Variants in ADGRV1 observed in about 807,000 individuals in gnomAD.
ADGRV1 encodes adhesion G protein-coupled receptor V1.
Under a neutral mutation model 596.2 loss-of-function variants are expected in ADGRV1, and 359 were observed. The observed-to-expected ratio is 0.60, with a 90% confidence interval of 0.55 to 0.66. ADGRV1 has a LOEUF of 0.66. ADGRV1 is among the 30% of genes least tolerant of loss of function. The pLI is 0.00. For synonymous variants in ADGRV1, 2,681 were observed against 2,679.2 expected (o/e 1.00, Z -0.02); for missense variants, 7,274 against 7,575.6 (o/e 0.96, Z 1.48).
At chr5:90,652,861 A>G (rs995700436) in intron 19 of ADGRV1, among the ~76,000 whole-genome samples, 2 of 152,194 alleles carry the variant, frequency 1.3e-5, no homozygotes, top group African/African-American at 2.4e-5. Flanking sequence ...CGTTAGTGGA[A>G]GGTAGGAGGT....
chr5:90,748,152 G>A (rs1385494925), intron 52 of ADGRV1, among the ~76,000 whole-genome samples: 1 of 152,196 alleles, frequency 6.6e-6, no homozygotes, highest in Non-Finnish European at 1.5e-5. Flanking sequence ...GGGATAAGAT[G>A]AGGAGTTTTG....
intron 76 of ADGRV1, among the ~76,000 whole-genome samples, chr5:90,826,652 C>T (rs946952018): frequency 5.9e-5 from 9 of 151,654 alleles, no homozygotes; most frequent in South Asian, 2.1e-4. Context: ...AGATGGAGCC[C>T]GAGGGAATGC....
chr5:90,719,951 T>G, intron 43 of ADGRV1, 97 bp from the exon 44 acceptor site: 1 of 877,434 alleles, frequency 1.1e-6, no homozygotes, highest in Non-Finnish European at 1.9e-6. Flanking sequence ...TTTCAAAACA[T>G]GCTATTTTGT....
At chr5:90,993,152 C>T (rs1278605974) in intron 85 of ADGRV1, among the ~76,000 whole-genome samples, 1 of 128,652 alleles carries the variant, frequency 7.8e-6, no homozygotes, top group African/African-American at 2.9e-5. Context: ...CCTTGGTTTT[C>T]ACTTTTTTTT....
chr5:90,581,067 G>A (rs768434641), intron 1 of ADGRV1, among the ~76,000 whole-genome samples: 1 of 152,050 alleles, frequency 6.6e-6, no homozygotes, highest in Admixed American at 6.6e-5. Flanking sequence ...TTGTGCATGC[G>A]TCACGAAGTT....
At chr5:91,028,046 T>G (rs539148365) in intron 85 of ADGRV1, among the ~76,000 whole-genome samples, 2,501 of 151,804 alleles carry the variant, frequency 0.016, 85 homozygotes, top group African/African-American at 0.057. Context: ...TCTTTTTTTT[T>G]TTTTTTAATT....
chr5:90,799,247 A>G (rs1413355984), intron 70 of ADGRV1, among the ~76,000 whole-genome samples: 2 of 152,238 alleles, frequency 1.3e-5, no homozygotes, highest in Non-Finnish European at 2.9e-5. Context: ...TACAAAATCA[A>G]TGTACAAAAA....
At chr5:90,932,061 A>C (rs968084161) in intron 83 of ADGRV1, among the ~76,000 whole-genome samples, 2 of 152,146 alleles carry the variant, frequency 1.3e-5, no homozygotes, top group African/African-American at 2.4e-5. Flanking sequence ...CACTTGCTAG[A>C]AGGGATTTCT....
At chr5:91,129,872 T>C (rs1794066588) in intron 87 of ADGRV1, among the ~76,000 whole-genome samples, 2 of 152,198 alleles carry the variant, frequency 1.3e-5, no homozygotes, top group South Asian at 4.1e-4. Flanking sequence ...CAACTGAGAC[T>C]AGAGTCTGAG....
chr5:90,793,748 C>G (rs1180516023), intron 70 of ADGRV1, among the ~76,000 whole-genome samples: 1 of 152,118 alleles, frequency 6.6e-6, no homozygotes, highest in Non-Finnish European at 1.5e-5. Flanking sequence ...TCTTTGAACC[C>G]ATTTTAATTA....
chr5:90,969,706 A>G (rs1465662918), intron 84 of ADGRV1, among the ~76,000 whole-genome samples: 1 of 152,224 alleles, frequency 6.6e-6, no homozygotes, highest in Admixed American at 6.5e-5. Flanking sequence ...CCTTGAAACT[A>G]TTGAAATCAT....
intron 1 of ADGRV1, among the ~76,000 whole-genome samples, chr5:90,610,858 G>A (rs1487092332): frequency 6.6e-6 from 1 of 151,984 alleles, no homozygotes; most frequent in Non-Finnish European, 1.5e-5. Flanking sequence ...TTATCAAAAT[G>A]TGGCTCCTTT....
At chr5:90,962,819 G>A (rs1562006697) in intron 83 of ADGRV1, among the ~76,000 whole-genome samples, 1 of 152,172 alleles carries the variant, frequency 6.6e-6, no homozygotes, top group Non-Finnish European at 1.5e-5. Context: ...TAGAAAAGGA[G>A]ATTAGAGTGT....
chr5:91,025,109 G>A (rs1484989368), intron 85 of ADGRV1, among the ~76,000 whole-genome samples: 1 of 152,060 alleles, frequency 6.6e-6, no homozygotes, highest in Non-Finnish European at 1.5e-5. Context: ...CAAAAGACCT[G>A]CCACATATTA....
intron 83 of ADGRV1, among the ~76,000 whole-genome samples, chr5:90,944,428 C>T (rs530458711): frequency 5.9e-5 from 9 of 152,194 alleles, no homozygotes; most frequent in African/African-American, 2.2e-4. Context: ...AAACACATGA[C>T]ATTGAAATAC....
chr5:90,679,524 T>C lies in ADGRV1; in HGVS notation c.5444-25T>C, dbSNP rs1209549992. 3 of 1,564,018 alleles carry C rather than the reference T, an allele frequency of 1.9e-6. No individual in the cohort carries two copies. The East Asian group carries it at 6.7e-5, about 35-fold the overall frequency. On this transcript the variant is annotated intron_variant, in intron 25 of 89. Transcript: ENST00000405460. ...TTGTGTCAATGTGTGTTGTGTGGGT[T>C]GTGTCTCTGTGTCTCCTTGTGAAGT... is the stretch of plus-strand genomic sequence containing the variant.
At chr5:91,009,556 A>G (rs2151140209) in intron 85 of ADGRV1, among the ~76,000 whole-genome samples, 1 of 152,246 alleles carries the variant, frequency 6.6e-6, no homozygotes, top group Middle Eastern at 3.4e-3. Flanking sequence ...TTGCTCTATC[A>G]TATAGTAAAT....
chr5:91,157,533 T>G (rs1161477394), intron 89 of ADGRV1, among the ~76,000 whole-genome samples: 1 of 152,116 alleles, frequency 6.6e-6, no homozygotes, highest in Non-Finnish European at 1.5e-5. Flanking sequence ...TCCACAGAAT[T>G]TTATCCTACT....
intron 85 of ADGRV1, among the ~76,000 whole-genome samples, chr5:91,007,555 T>C (rs1369344996): frequency 6.6e-6 from 1 of 152,116 alleles, no homozygotes; most frequent in Non-Finnish European, 1.5e-5. Context: ...AATACAAATG[T>C]TTTTCTTGAT....
Sources: gnomAD v4.1 joint callset for allele counts (sites outside exome capture counted in the v4.1 genomes callset) on GRCh38, gnomAD v4.1.1 for gene constraint, MANE v1.5 for transcripts, NCBI Gene and HGNC (gene_info 2026-07-23, HGNC 2026-07-21) for gene names.